DIS3L2: variants seen among roughly 807,000 people sequenced by gnomAD.
DIS3L2 encodes the protein DIS3 like 3'-5' exoribonuclease 2, also known as DIS3-like exonuclease 2.
A neutral mutation model predicts 97.5 loss-of-function variants in DIS3L2; 34 were observed. That is an observed-to-expected ratio of 0.35 (90% CI 0.27 to 0.46). The LOEUF (loss-of-function observed/expected upper bound fraction) is 0.46, where lower values mean the gene tolerates loss of function less well. Ranked by LOEUF, DIS3L2 falls within the 20% of genes least tolerant of loss-of-function variation. DIS3L2 has a pLI of 1.00. For missense variants in DIS3L2, 1,038 were observed against 1,146.0 expected, an observed-to-expected ratio of 0.91 and a Z score of 1.36; for synonymous variants, 435 against 445.2, an observed-to-expected ratio of 0.98 and a Z score of 0.29.
chr2:232,119,118 G>A (rs1039050078), intron 6 of DIS3L2, among the ~76,000 whole-genome samples: 2 of 152,118 alleles, frequency 1.3e-5, no homozygotes, highest in Non-Finnish European at 2.9e-5. Context: ...ATGTTCAAGA[G>A]AATGAAATAT....
intron 5 of DIS3L2, among the ~76,000 whole-genome samples, chr2:232,032,922 C>T (rs192715677): frequency 1.3e-5 from 2 of 152,154 alleles, no homozygotes; most frequent in African/African-American, 4.8e-5. Flanking sequence ...AGTCAGGTAG[C>T]GTGATGCCTC....
chr2:232,265,204 C>T (rs532014148), intron 13 of DIS3L2, among the ~76,000 whole-genome samples: 5 of 152,336 alleles, frequency 3.3e-5, no homozygotes, highest in African/African-American at 1.2e-4. Context: ...TCCTGGTTCT[C>T]TGTTTCTCTT....
chr2:232,246,164 G>A (rs543207388), intron 11 of DIS3L2, among the ~76,000 whole-genome samples: 1 of 152,318 alleles, frequency 6.6e-6, no homozygotes, highest in South Asian at 2.1e-4. Context: ...GTAAGTGGCT[G>A]ACTGTGTAGG....
intron 6 of DIS3L2, among the ~76,000 whole-genome samples, chr2:232,102,147 A>G (rs772320971): frequency 6.6e-6 from 1 of 152,288 alleles, no homozygotes; most frequent in African/African-American, 2.4e-5. Context: ...AAAATGTTTC[A>G]CCGGAATCAA....
intron 3 of DIS3L2, among the ~76,000 whole-genome samples, chr2:232,019,641 C>T (rs1167061801): frequency 1.3e-5 from 2 of 150,700 alleles, no homozygotes; most frequent in East Asian, 3.9e-4. Flanking sequence ...TGTGATGTTA[C>T]AGTGGAATGC....
chr2:232,156,003 A>G (rs929780524), intron 8 of DIS3L2, among the ~76,000 whole-genome samples: 1 of 151,734 alleles, frequency 6.6e-6, no homozygotes. Flanking sequence ...AAAAAAAAAA[A>G]GTTTTCTATT....
intron 8 of DIS3L2, among the ~76,000 whole-genome samples, chr2:232,156,836 A>G (rs570759671): frequency 2.0e-5 from 3 of 152,066 alleles, no homozygotes; most frequent in East Asian, 3.9e-4. Flanking sequence ...AATAAACTCT[A>G]TGTGGTATAT....
At chr2:231,997,454 T>C (rs1355026454) in intron 1 of DIS3L2, among the ~76,000 whole-genome samples, 4 of 152,250 alleles carry the variant, frequency 2.6e-5, no homozygotes, top group Admixed American at 2.6e-4. Flanking sequence ...AATAAATCTG[T>C]TTTGGCTCAT....
At chr2:231,971,958 G>A (rs894752114) in intron 1 of DIS3L2, among the ~76,000 whole-genome samples, 4 of 151,064 alleles carry the variant, frequency 2.6e-5, no homozygotes, top group East Asian at 4.0e-4. Flanking sequence ...AGGCCGAGGC[G>A]GATGGATCAC....
intron 10 of DIS3L2, among the ~76,000 whole-genome samples, chr2:232,233,436 T>A (rs1692850668): frequency 6.6e-6 from 1 of 152,244 alleles, no homozygotes. Context: ...TGAGGCCTGA[T>A]AACCTCCCAG....
chr2:232,266,214 A>G (rs952074623), intron 13 of DIS3L2, among the ~76,000 whole-genome samples: 1 of 152,246 alleles, frequency 6.6e-6, no homozygotes, highest in African/African-American at 2.4e-5. Flanking sequence ...GAATGATCTC[A>G]GATTATTGAT....
At chr2:232,145,458 A>G (rs1690192531) in intron 8 of DIS3L2, among the ~76,000 whole-genome samples, 1 of 152,204 alleles carries the variant, frequency 6.6e-6, no homozygotes, top group African/African-American at 2.4e-5. Context: ...TTGGTAAGTA[A>G]TGAGAGTTTT....
chr2:232,140,909 G>A (rs1277734198), intron 8 of DIS3L2, among the ~76,000 whole-genome samples: 1 of 152,112 alleles, frequency 6.6e-6, no homozygotes, highest in African/African-American at 2.4e-5. Flanking sequence ...TATGAATCTT[G>A]TTCTGTAATG....
At chr2:232,123,553 C>T (rs368404108) in intron 6 of DIS3L2, among the ~76,000 whole-genome samples, 16 of 151,860 alleles carry the variant, frequency 1.1e-4, no homozygotes, top group East Asian at 1.9e-4. Context: ...CACTGCCACC[C>T]GAAAAAGATT....
intron 14 of DIS3L2, among the ~76,000 whole-genome samples, chr2:232,321,017 GC>G (rs1695416153): frequency 6.6e-6 from 1 of 152,190 alleles, no homozygotes; most frequent in Non-Finnish European, 1.5e-5. Flanking sequence ...GAGAAGGTGG[GC>G]TTGGGTGCGG....
At chr2:231,988,494 A>G (rs899719669) in intron 1 of DIS3L2, among the ~76,000 whole-genome samples, 2 of 152,162 alleles carry the variant, frequency 1.3e-5, no homozygotes, top group Non-Finnish European at 2.9e-5. Flanking sequence ...TAGTCATTTT[A>G]CTGTTTAGAA....
chr2:232,237,915 T>C (rs1692978358), intron 10 of DIS3L2, among the ~76,000 whole-genome samples: 1 of 152,164 alleles, frequency 6.6e-6, no homozygotes, highest in African/African-American at 2.4e-5. Flanking sequence ...GGAAAGAGGT[T>C]TCCCATGACA....
intron 8 of DIS3L2, among the ~76,000 whole-genome samples, chr2:232,148,197 G>A (rs868291626): frequency 3.9e-5 from 6 of 151,974 alleles, no homozygotes; most frequent in South Asian, 2.1e-4. Context: ...TTACAGGTGC[G>A]CACCATCATG....
chr2:232,086,209 A>G (rs1003967736), intron 5 of DIS3L2, among the ~76,000 whole-genome samples: 6 of 151,876 alleles, frequency 4.0e-5, no homozygotes, highest in East Asian at 3.9e-4. Context: ...GTGTATACGT[A>G]TATATACACA....
Sources: gnomAD v4.1 joint callset for allele counts (sites outside exome capture counted in the v4.1 genomes callset) on GRCh38, gnomAD v4.1.1 for gene constraint, MANE v1.5 for transcripts, NCBI Gene and HGNC (gene_info 2026-07-23, HGNC 2026-07-21) for gene names.